The following MAD1L1 variants were observed in gnomAD, a reference collection of about 807,000 sequenced individuals.
MAD1L1 encodes the protein mitotic arrest deficient 1 like 1.
A neutral mutation model predicts 96.9 loss-of-function variants in MAD1L1; 95 were observed. The observed-to-expected ratio is 0.98, with a 90% CI of 0.83 to 1.16. The LOEUF is 1.16. Ranked by LOEUF, MAD1L1 falls within the 50% of genes most tolerant of loss-of-function variation. The probability of loss-of-function intolerance (pLI) is 0.00; values close to 1 mark genes in which losing one functional copy is unlikely to be tolerated. For synonymous variants in MAD1L1, 473 were observed against 396.6 expected (o/e 1.19, Z -2.29); for missense variants, 1,007 against 954.4 (o/e 1.06, Z -0.73).
At chr7:1,847,886 C>T (rs1783730963) in intron 18 of MAD1L1, 1 of 365,670 alleles carries the variant, frequency 2.7e-6, no homozygotes, top group Non-Finnish European at 5.5e-6. Flanking sequence ...CTGTGACCTG[C>T]AATGCTCCCA....
intron 9 of MAD1L1, among the ~76,000 whole-genome samples, chr7:2,213,562 G>A (rs1247953341): frequency 4.6e-5 from 7 of 152,204 alleles, no homozygotes; most frequent in Admixed American, 4.6e-4. Flanking sequence ...GGAGAAGGCA[G>A]ACAGCCTCAG....
chr7:1,944,610 T>C (rs938396496), intron 16 of MAD1L1, among the ~76,000 whole-genome samples: 1 of 152,146 alleles, frequency 6.6e-6, no homozygotes, highest in African/African-American at 2.4e-5. Context: ...TCCTTACTTG[T>C]ATCCTGCTTG....
intron 6 of MAD1L1, 99 bp from the exon 7 acceptor site, chr7:2,218,142 T>A (rs1562382398): frequency 3.2e-5 from 28 of 878,444 alleles, no homozygotes; most frequent in Non-Finnish European, 5.1e-5. Context: ...CCCACATACG[T>A]TCATTCCCAC....
chr7:1,911,178 T>C (rs1188112759), intron 17 of MAD1L1, among the ~76,000 whole-genome samples: 2 of 152,114 alleles, frequency 1.3e-5, no homozygotes, highest in African/African-American at 2.4e-5. Context: ...GCCTTCGGCC[T>C]TCCTGGATTC....
intron 11 of MAD1L1, among the ~76,000 whole-genome samples, chr7:2,096,800 C>T (rs1187006454): frequency 6.6e-6 from 1 of 152,162 alleles, no homozygotes; most frequent in African/African-American, 2.4e-5. Flanking sequence ...ACCACCACCC[C>T]GCCCAGCAGA....
chr7:2,177,860 G>A (rs558653256), intron 10 of MAD1L1, among the ~76,000 whole-genome samples: 3 of 152,342 alleles, frequency 2.0e-5, no homozygotes, highest in Admixed American at 1.3e-4. Context: ...CTCTGGAGAA[G>A]GACTGCAGCC....
chr7:2,112,798 C>T (rs1322557068), intron 11 of MAD1L1, among the ~76,000 whole-genome samples: 4 of 150,978 alleles, frequency 2.6e-5, no homozygotes, highest in African/African-American at 7.3e-5. Flanking sequence ...GGGAAAGTGG[C>T]GGACTGCAGG....
chr7:2,121,688 G>A, intron 11 of MAD1L1, among the ~76,000 whole-genome samples: 1 of 152,050 alleles, frequency 6.6e-6, no homozygotes, highest in East Asian at 1.9e-4. Context: ...TCCAGCACTA[G>A]AGCCTGGGGG....
intron 12 of MAD1L1, among the ~76,000 whole-genome samples, chr7:2,064,658 TAGG>T (rs953245004): frequency 3.4e-5 from 5 of 149,080 alleles, no homozygotes; most frequent in Non-Finnish European, 4.5e-5. Context: ...AGGCTTCTCC[TAGG>T]AGGACAGTGG....
intron 11 of MAD1L1, among the ~76,000 whole-genome samples, chr7:2,093,244 C>CAA (rs10654575): frequency 0.038 from 3,784 of 100,038 alleles, 221 homozygotes; most frequent in Middle Eastern, 0.081. Flanking sequence ...GACTCCGTGT[C>CAA]AAAAAAAAAA....
intron 16 of MAD1L1, chr7:1,940,593 T>G (rs1358489844): frequency 2.6e-5 from 4 of 152,166 alleles, no homozygotes; most frequent in Non-Finnish European, 5.9e-5. Flanking sequence ...GGCCGCCTCC[T>G]GCGGAGAGCA....
In MAD1L1 at chr7:1,976,453, C is replaced by T. The variant is rs373463779; in HGVS notation, c.1505+4000G>A. Among the ~76,000 whole-genome samples, 9 of 152,178 alleles carry T rather than the reference C, an allele frequency of 5.9e-5. 1 individual carries two copies. The East Asian group carries it at 1.2e-3, about 20-fold the overall frequency. ...CACGTCTGGAGTTGTTCGTTCCTCCCAGTGGGTTCGTGGTCTTGCCGGCCT... is the reference window on the plus strand; with the variant it reads ...CACGTCTGGAGTTGTTCGTTCCTCCTAGTGGGTTCGTGGTCTTGCCGGCCT... On this transcript the variant is annotated intron_variant, in intron 15 of 18. Transcript: ENST00000265854.
At chr7:2,083,163 T>C (rs1279003754) in intron 11 of MAD1L1, among the ~76,000 whole-genome samples, 1 of 152,174 alleles carries the variant, frequency 6.6e-6, no homozygotes, top group East Asian at 1.9e-4. Flanking sequence ...GTAACAAAAC[T>C]TTAAGGAGAA....
At chr7:2,053,135 T>C (rs570841771) in intron 12 of MAD1L1, among the ~76,000 whole-genome samples, 1 of 152,278 alleles carries the variant, frequency 6.6e-6, no homozygotes, top group African/African-American at 2.4e-5. Context: ...GTTGGGAAAG[T>C]TGAAAGCAAG....
chr7:1,967,563 A>G (rs7791981), intron 15 of MAD1L1, among the ~76,000 whole-genome samples: 5,739 of 152,298 alleles, frequency 0.038, 377 homozygotes, highest in African/African-American at 0.13. Context: ...GTGCCGTCCC[A>G]GGAGCCACAG....
intron 12 of MAD1L1, among the ~76,000 whole-genome samples, chr7:2,044,859 G>A (rs1403561181): frequency 6.6e-6 from 1 of 152,144 alleles, no homozygotes; most frequent in African/African-American, 2.4e-5. Flanking sequence ...CTGTGCCAGT[G>A]GTGTAGACAG....
intron 18 of MAD1L1, among the ~76,000 whole-genome samples, chr7:1,871,738 C>A (rs529867815): frequency 1.0e-3 from 153 of 151,602 alleles, no homozygotes; most frequent in East Asian, 1.4e-3. Flanking sequence ...ACGCTGAACC[C>A]AACATACGCC....
At chr7:2,014,766 A>G in intron 12 of MAD1L1, 124 bp from the exon 13 acceptor site, 3 of 1,111,826 alleles carry the variant, frequency 2.7e-6, no homozygotes, top group Non-Finnish European at 3.7e-6. Flanking sequence ...GACCCAGGCC[A>G]GCACTCAGAG....
chr7:2,162,080 T>C (rs1167200252), intron 10 of MAD1L1, among the ~76,000 whole-genome samples: 1 of 152,088 alleles, frequency 6.6e-6, no homozygotes, highest in East Asian at 1.9e-4. Flanking sequence ...CCACCCCGTC[T>C]GGGAGGTGTA....
Sources: allele counts gnomAD v4.1 joint callset (sites outside exome capture counted in the v4.1 genomes callset), GRCh38; gene constraint gnomAD v4.1.1; transcripts MANE v1.5; gene names NCBI Gene and HGNC (gene_info 2026-07-23, HGNC 2026-07-21).